GRIK2: variants seen among roughly 807,000 people sequenced by gnomAD.
GRIK2 encodes glutamate receptor ionotropic, kainate 2.
In GRIK2, 32 loss-of-function variants were observed where a neutral mutation model predicts 100.3. That is an observed-to-expected ratio of 0.32 (90% CI 0.24 to 0.43). The LOEUF is 0.43. Ranked by LOEUF, GRIK2 falls within the 20% of genes least tolerant of loss-of-function variation. The probability of loss-of-function intolerance (pLI) is 1.00; values close to 1 mark genes in which losing one functional copy is unlikely to be tolerated. For missense variants in GRIK2, 843 were observed against 1,114.9 expected, an observed-to-expected ratio of 0.76 and a Z score of 3.47; for synonymous variants, 417 against 389.4, an observed-to-expected ratio of 1.07 and a Z score of -0.83.
At chr6:102,017,247 A>ACAAG (rs1769163256) in intron 14 of GRIK2, among the ~76,000 whole-genome samples, 2 of 152,100 alleles carry the variant, frequency 1.3e-5, no homozygotes. Flanking sequence ...AAACCACCAC[A>ACAAG]CAAGCAAGGT....
At chr6:101,976,845 ATAAG>A (rs1261679013) in intron 14 of GRIK2, among the ~76,000 whole-genome samples, 1 of 151,824 alleles carries the variant, frequency 6.6e-6, no homozygotes, top group Non-Finnish European at 1.5e-5. Flanking sequence ...AACCAAATAG[ATAAG>A]TAAGAGGACA....
intron 6 of GRIK2, among the ~76,000 whole-genome samples, 185 bp from the exon 7 acceptor site, chr6:101,685,994 TG>T (rs1417481216): frequency 6.6e-6 from 1 of 152,104 alleles, no homozygotes; most frequent in African/African-American, 2.4e-5. Flanking sequence ...ATACGGAGCA[TG>T]TATCTCTGCA....
chr6:101,960,048 G>GGTT (rs1554293032), intron 14 of GRIK2, among the ~76,000 whole-genome samples: 1 of 118,266 alleles, frequency 8.5e-6, no homozygotes, highest in African/African-American at 3.6e-5. Flanking sequence ...TTTTTTTAGT[G>GGTT]TTTTGTTTTT....
chr6:101,581,572 T>C (rs539652037), intron 2 of GRIK2, among the ~76,000 whole-genome samples: 2 of 152,242 alleles, frequency 1.3e-5, no homozygotes, highest in South Asian at 4.2e-4. Context: ...TGAATGTTTG[T>C]TGAATGGTTG....
intron 7 of GRIK2, among the ~76,000 whole-genome samples, chr6:101,774,268 A>T (rs1300173355): frequency 2.0e-5 from 3 of 152,184 alleles, no homozygotes; most frequent in Admixed American, 2.0e-4. Context: ...CATATTGAAA[A>T]AGGTAAATAT....
chr6:101,618,843 A>T (rs571886067), intron 2 of GRIK2, among the ~76,000 whole-genome samples: 1 of 151,440 alleles, frequency 6.6e-6, no homozygotes, highest in South Asian at 2.1e-4. Flanking sequence ...TATTGTAGAC[A>T]TTTTATCTTT....
intron 2 of GRIK2, among the ~76,000 whole-genome samples, chr6:101,484,238 A>G (rs1772694130): frequency 6.6e-6 from 1 of 152,164 alleles, no homozygotes; most frequent in Non-Finnish European, 1.5e-5. Context: ...CATATTTAAT[A>G]GCATATGTTA....
chr6:102,015,674 T>C (rs1168883011), intron 14 of GRIK2, among the ~76,000 whole-genome samples: 1 of 152,192 alleles, frequency 6.6e-6, no homozygotes, highest in East Asian at 1.9e-4. Context: ...CTGCTACTGC[T>C]TCTGGCACAT....
intron 10 of GRIK2, among the ~76,000 whole-genome samples, chr6:101,837,981 T>A (rs2128432481): frequency 6.6e-6 from 1 of 152,298 alleles, no homozygotes. Context: ...GGAAGGTCAC[T>A]TTCTTTTCCC....
chr6:101,925,696 A>T (rs1342783693), intron 13 of GRIK2, among the ~76,000 whole-genome samples: 1 of 152,004 alleles, frequency 6.6e-6, no homozygotes, highest in Non-Finnish European at 1.5e-5. Context: ...ACCTATCATA[A>T]GGTTTGATTT....
chr6:101,462,638 A>G (rs1771387591), intron 2 of GRIK2, among the ~76,000 whole-genome samples: 1 of 152,252 alleles, frequency 6.6e-6, no homozygotes, highest in Non-Finnish European at 1.5e-5. Flanking sequence ...CCTGGGAGTT[A>G]AAGTCAGGCC....
intron 7 of GRIK2, among the ~76,000 whole-genome samples, chr6:101,731,734 G>A (rs1009933689): frequency 1.1e-4 from 16 of 152,008 alleles, no homozygotes; most frequent in Admixed American, 2.6e-4. Flanking sequence ...CTAGGAATAT[G>A]CAAATGGCAT....
Position 101,419,783 on chromosome 6 carries a change from C to T in GRIK2, c.115+20391C>T, listed in dbSNP as rs865794373. On this transcript the variant is annotated intron_variant, in intron 2 of 16. Coordinates refer to ENST00000369134, the MANE Select transcript of GRIK2 (RefSeq NM_021956.5). ...CTGCCTTATGTTCCTTTCACTTCAA[C>T]AACTTGAATGTAGTTGAATTTCACT... Among the ~76,000 whole-genome samples the T allele has an allele frequency of 6.6e-4, 101 of 152,178 alleles. 1 individual carries two copies. The highest frequency in any genetic ancestry group is 3.2e-3 in the Middle Eastern group (1 of 316).
At chr6:101,836,936 T>G (rs1323541168) in intron 10 of GRIK2, among the ~76,000 whole-genome samples, 1 of 152,030 alleles carries the variant, frequency 6.6e-6, no homozygotes, top group Non-Finnish European at 1.5e-5. Context: ...AGTGCCAGGA[T>G]TACAGGTGTG....
intron 7 of GRIK2, among the ~76,000 whole-genome samples, chr6:101,770,666 T>A (rs183167845): frequency 2.6e-5 from 4 of 152,310 alleles, no homozygotes; most frequent in African/African-American, 9.6e-5. Context: ...GGCATTTGTT[T>A]TTGGAGTCCT....
intron 2 of GRIK2, among the ~76,000 whole-genome samples, chr6:101,429,416 C>T (rs1472785791): frequency 1.3e-5 from 2 of 152,180 alleles, no homozygotes; most frequent in Non-Finnish European, 1.5e-5. Flanking sequence ...CTTATATTTT[C>T]AGCAGGGTAA....
At chr6:101,950,777 T>C (rs539712890) in intron 14 of GRIK2, among the ~76,000 whole-genome samples, 2 of 152,158 alleles carry the variant, frequency 1.3e-5, no homozygotes, top group Non-Finnish European at 2.9e-5. Flanking sequence ...CTAACAGTAG[T>C]GGGAGCCAGG....
At chr6:101,632,071 T>A (rs940732738) in intron 4 of GRIK2, among the ~76,000 whole-genome samples, 1 of 152,136 alleles carries the variant, frequency 6.6e-6, no homozygotes, top group East Asian at 1.9e-4. Context: ...TTTCTGATCC[T>A]ATTCCTCCTA....
chr6:101,755,820 G>A (rs1297079305), intron 7 of GRIK2, among the ~76,000 whole-genome samples: 1 of 152,162 alleles, frequency 6.6e-6, no homozygotes, highest in Non-Finnish European at 1.5e-5. Context: ...TTCTCTTACA[G>A]ATGTGTCTAG....
Sources: allele counts gnomAD v4.1 joint callset (sites outside exome capture counted in the v4.1 genomes callset), GRCh38; gene constraint gnomAD v4.1.1; transcripts MANE v1.5; gene names NCBI Gene and HGNC (gene_info 2026-07-23, HGNC 2026-07-21).